The following FOXP1 variants were observed in gnomAD, a reference collection of about 807,000 sequenced individuals.
The protein encoded by FOXP1 is forkhead box protein P1.
A neutral mutation model predicts 98.2 loss-of-function variants in FOXP1; 15 were observed. The ratio of observed to expected loss-of-function variants is 0.15; its 90% CI spans 0.10 to 0.24. FOXP1 has a LOEUF of 0.24. Ranked by LOEUF, FOXP1 falls within the 10% of genes least tolerant of loss-of-function variation. FOXP1 has a pLI of 1.00. For synonymous variants in FOXP1, 371 were observed against 314.5 expected (o/e 1.18, Z -1.90); for missense variants, 633 against 848.5 (o/e 0.75, Z 3.15).
intron 7 of FOXP1, among the ~76,000 whole-genome samples, chr3:71,064,385 G>T (rs748319040): frequency 2.6e-5 from 4 of 152,180 alleles, no homozygotes; most frequent in Non-Finnish European, 5.9e-5. Context: ...CCCCCGAACG[G>T]AGTGATGGCG....
intron 4 of FOXP1, among the ~76,000 whole-genome samples, chr3:71,315,110 AAGAAAGAAAAAG>A (rs2074992454): frequency 1.4e-5 from 2 of 142,732 alleles, no homozygotes; most frequent in South Asian, 2.2e-4. Flanking sequence ...AAAAAAAAGA[AAGAAAGAAAAAG>A]AAAAGAAAAA....
chr3:71,410,999 T>C (rs10212422), intron 3 of FOXP1, among the ~76,000 whole-genome samples: 101,548 of 152,086 alleles, frequency 0.67, 35,121 homozygotes, highest in Non-Finnish European at 0.74. Context: ...CCCAGAGATG[T>C]TGGTTATTAG....
At chr3:71,374,632 TG>T (rs2079587296) in intron 3 of FOXP1, among the ~76,000 whole-genome samples, 3 of 151,548 alleles carry the variant, frequency 2.0e-5, no homozygotes, top group Admixed American at 2.0e-4. Flanking sequence ...TGTCAGAAAA[TG>T]AATTCTAGGA....
intron 14 of FOXP1, among the ~76,000 whole-genome samples, chr3:70,985,849 T>C (rs971946083): frequency 6.6e-5 from 10 of 152,226 alleles, no homozygotes; most frequent in Admixed American, 5.9e-4. Flanking sequence ...TGTCAAAGGT[T>C]TGACTTGGAC....
intron 1 of FOXP1, 127 bp downstream of exon 1, chr3:71,583,444 T>G: frequency 1.0e-6 from 1 of 978,526 alleles, no homozygotes; most frequent in Non-Finnish European, 1.2e-6. Flanking sequence ...TTTTCCATTT[T>G]TTTTCTCTTT....
chr3:71,396,385 G>A (rs1280352493), intron 3 of FOXP1, among the ~76,000 whole-genome samples: 2 of 152,158 alleles, frequency 1.3e-5, no homozygotes, highest in African/African-American at 4.8e-5. Flanking sequence ...AGTCTAGGAA[G>A]CAGACACACT....
At chr3:71,087,028 A>C (rs2055183253) in intron 7 of FOXP1, among the ~76,000 whole-genome samples, 1 of 152,220 alleles carries the variant, frequency 6.6e-6, no homozygotes, top group African/African-American at 2.4e-5. Context: ...CATAAGAAAA[A>C]TGCAGTCACC....
At chr3:71,172,672 C>T (rs951545533) in intron 6 of FOXP1, among the ~76,000 whole-genome samples, 1 of 152,154 alleles carries the variant, frequency 6.6e-6, no homozygotes, top group Non-Finnish European at 1.5e-5. Flanking sequence ...GTTTTGCATC[C>T]CACCTTGTTG....
At chr3:71,308,781 GT>G (rs2074472650) in intron 4 of FOXP1, among the ~76,000 whole-genome samples, 2 of 150,952 alleles carry the variant, frequency 1.3e-5, no homozygotes, top group African/African-American at 2.4e-5. Context: ...GTGTGTGTGT[GT>G]GTGTGTGTGT....
rs1195437848 is a variant in FOXP1 at position 71,396,946 on chromosome 3, ATGTGTATATATATATATG to A, written c.-167-37720_-167-37703del. Among the ~76,000 whole-genome samples, 69 of 70,918 alleles carry A rather than the reference ATGTGTATATATATATATG, an allele frequency of 9.7e-4. 13 individuals carry two copies. Among genetic ancestry groups the A allele is most frequent in the Non-Finnish European group, 1.8e-3 (62 of 34,282 alleles). 46.5% of individuals were successfully genotyped at this position (70,918 alleles called of 152,430 possible). A position where few individuals can be genotyped will look rare whatever the true frequency, so the allele number is the denominator to read the frequency against. ...TATATATATATATACACATATATAT[ATGTGTATATATATATATG>A]TGTGTATATATATATATGTGTATAT... On this transcript the variant is annotated intron_variant, in intron 3 of 20. Coordinates refer to ENST00000649528, the MANE Select transcript of FOXP1 (RefSeq NM_001349338.3).
chr3:71,463,372 A>C (rs1292821797), intron 3 of FOXP1, among the ~76,000 whole-genome samples: 1 of 151,292 alleles, frequency 6.6e-6, no homozygotes, highest in East Asian at 1.9e-4. Flanking sequence ...AAAAAAAAAA[A>C]AAAAAAAACT....
At position 71,049,443 on chromosome 3, in the gene FOXP1, T is replaced by C. The variant is rs527544299; in HGVS notation, c.511-2348A>G. ...ATAGCTGTATTGGGCCTACATCCTCTCTTCCTCCCCTACCTAAGAGCACGT... is the reference window on the plus strand; with the variant it reads ...ATAGCTGTATTGGGCCTACATCCTCCCTTCCTCCCCTACCTAAGAGCACGT... On this transcript the variant is annotated intron_variant, in intron 9 of 20. Transcript: ENST00000649528. Among the ~76,000 whole-genome samples, 4 of 152,196 alleles carry C rather than the reference T, an allele frequency of 2.6e-5. No homozygotes were observed. In the East Asian group the frequency reaches 7.7e-4, roughly 29 times the overall value.
intron 3 of FOXP1, among the ~76,000 whole-genome samples, chr3:71,418,639 A>G (rs1053230117): frequency 1.3e-5 from 2 of 152,222 alleles, no homozygotes; most frequent in Non-Finnish European, 2.9e-5. Flanking sequence ...ATATTTTATC[A>G]TGGCCACCTC....
intron 3 of FOXP1, among the ~76,000 whole-genome samples, chr3:71,443,082 T>C (rs1292925819): frequency 1.3e-5 from 2 of 152,124 alleles, no homozygotes; most frequent in South Asian, 2.1e-4. Flanking sequence ...CTGGTAGAGA[T>C]GGGGTTTCAC....
chr3:71,445,603 C>A (rs2086339224), intron 3 of FOXP1, among the ~76,000 whole-genome samples: 1 of 151,950 alleles, frequency 6.6e-6, no homozygotes, highest in East Asian at 1.9e-4. Context: ...TATGTATGCC[C>A]CAAGTCTGTT....
At chr3:71,484,831 G>A (rs559160920) in intron 3 of FOXP1, among the ~76,000 whole-genome samples, 11 of 152,200 alleles carry the variant, frequency 7.2e-5, no homozygotes, top group African/African-American at 2.6e-4. Context: ...CACAAAACGT[G>A]GAGGTAAAGA....
chr3:71,015,699 G>C (rs756597908), intron 11 of FOXP1, 46 bp from the exon 12 acceptor site: 29 of 1,342,948 alleles, frequency 2.2e-5, no homozygotes, highest in Non-Finnish European at 3.0e-5. Flanking sequence ...TTGCTGCCAA[G>C]AACCATTCCA....
rs918531522 is a variant in FOXP1, at chr3:71,369,713, G to A, written c.-167-10469C>T. Reference sequence around the variant, plus strand: ...CAGCAGGGACCATGTCTTAATATCCGGTGTAACCCCCTTTTAGGAAGAACC... The same window carrying A: ...CAGCAGGGACCATGTCTTAATATCCAGTGTAACCCCCTTTTAGGAAGAACC... On this transcript the variant is annotated intron_variant, in intron 3 of 20. Transcript: ENST00000649528. 5.9e-5 allele frequency among the ~76,000 whole-genome samples: 9 copies of A among 152,084 alleles called. No individual in the cohort carries two copies. In the East Asian group the frequency reaches 1.5e-3, roughly 26 times the overall value.
At chr3:71,460,486 G>A (rs1164103923) in intron 3 of FOXP1, among the ~76,000 whole-genome samples, 1 of 151,726 alleles carries the variant, frequency 6.6e-6, no homozygotes, top group Non-Finnish European at 1.5e-5. Context: ...GCCCAGGCTG[G>A]AGTGCAGTGG....
Sources: allele counts gnomAD v4.1 joint callset (sites outside exome capture counted in the v4.1 genomes callset), GRCh38; gene constraint gnomAD v4.1.1; transcripts MANE v1.5; gene names NCBI Gene and HGNC (gene_info 2026-07-23, HGNC 2026-07-21).